Variants in RP1 observed in about 807,000 individuals in gnomAD.
RP1 encodes RP1 axonemal microtubule associated, also known as oxygen-regulated protein 1.
A neutral mutation model predicts 14.8 loss-of-function variants in RP1; 16 were observed. The ratio of observed to expected loss-of-function variants is 1.08; its 90% CI spans 0.73 to 1.65. The LOEUF (loss-of-function observed/expected upper bound fraction) is 1.65, where lower values mean the gene tolerates loss of function less well. RP1 is among the 40% of genes most tolerant of loss of function. RP1 has a pLI of 0.00. For missense variants in RP1, 2,631 were observed against 2,535.0 expected (o/e 1.04, Z -0.81); for synonymous variants, 876 against 883.6 (o/e 0.99, Z 0.15).
intron 21 of RP1, among the ~76,000 whole-genome samples, chr8:54,758,357 A>T (rs1002348256): frequency 1.3e-5 from 2 of 151,688 alleles, no homozygotes; most frequent in Admixed American, 6.6e-5. Context: ...TTTAGGAGTG[A>T]AGAGTCCAGG....
At chr8:54,786,492 C>A (rs1013167686) in intron 24 of RP1, among the ~76,000 whole-genome samples, 1 of 151,804 alleles carries the variant, frequency 6.6e-6, no homozygotes, top group Non-Finnish European at 1.5e-5. Context: ...TGCAAGGTTG[C>A]CAGTTTTCAA....
intron 16 of RP1, among the ~76,000 whole-genome samples, chr8:54,723,454 T>C (rs1808581072): frequency 6.6e-6 from 1 of 152,216 alleles, no homozygotes; most frequent in South Asian, 2.1e-4. Context: ...ATTGGGAATT[T>C]ATAATACAAG....
chr8:54,827,821 C>T (rs1259638958), intron 24 of RP1, among the ~76,000 whole-genome samples: 2 of 151,656 alleles, frequency 1.3e-5, no homozygotes, highest in Non-Finnish European at 2.9e-5. Flanking sequence ...GTGCTTGAAC[C>T]GGGAAGGCGG....
At chr8:54,599,887 A>G (rs1805234843) in intron 1 of RP1, among the ~76,000 whole-genome samples, 1 of 152,156 alleles carries the variant, frequency 6.6e-6, no homozygotes, top group South Asian at 2.1e-4. Context: ...GTGTTTTAGA[A>G]GACCTCCTTT....
In RP1 at chr8:54,629,957, A is replaced by T. The variant is rs373216628; in HGVS notation, c.6075A>T (p.Gln2025His). Reference sequence around the variant, plus strand: ...AAGAAGGTAATTTAAAGAAATTTCAACCAGATTTGAAGGAAAGGTTTTGTA... The same window carrying T: ...AAGAAGGTAATTTAAAGAAATTTCATCCAGATTTGAAGGAAAGGTTTTGTA... ...LEEEGNLKKF[Q>H]PDLKERFCMN... The change falls in exon 4 of 4, where the codon CAA becomes CAT. Residue 2025 changes from glutamine to histidine, a missense_variant. Coordinates refer to ENST00000220676, the MANE Select transcript of RP1 (RefSeq NM_006269.2). The T allele has an allele frequency of 9.9e-6, 16 of 1,613,910 alleles. No individual in the cohort carries two copies. Among genetic ancestry groups the T allele is most frequent in the African/African-American group, 2.7e-5 (2 of 74,918 alleles).
intron 7 of RP1, among the ~76,000 whole-genome samples, chr8:54,673,044 G>A (rs374114360): frequency 1.6e-4 from 24 of 152,234 alleles, no homozygotes; most frequent in African/African-American, 5.8e-4. Flanking sequence ...TAATGGTTTT[G>A]TTTCTCCTTA....
At chr8:54,851,111 G>A (rs1812051738) in intron 25 of RP1, among the ~76,000 whole-genome samples, 2 of 152,138 alleles carry the variant, frequency 1.3e-5, no homozygotes, top group African/African-American at 2.4e-5. Flanking sequence ...AGGTGCATAT[G>A]TATTTAACCT....
chr8:54,867,555 T>C (rs1812486495), intron 28 of RP1, among the ~76,000 whole-genome samples: 1 of 152,118 alleles, frequency 6.6e-6, no homozygotes, highest in Non-Finnish European at 1.5e-5. Flanking sequence ...TTTTGCAGGG[T>C]TGTTTGAGGA....
At chr8:54,774,377 C>T (rs932978952), downstream of RP1, among the ~76,000 whole-genome samples, 6 of 152,214 alleles carry the variant, frequency 3.9e-5, no homozygotes, top group Admixed American at 3.9e-4. Flanking sequence ...ACATACAGAG[C>T]CTGAAACTAG....
chr8:54,863,261 T>C (rs1812390962), intron 27 of RP1, among the ~76,000 whole-genome samples: 2 of 151,996 alleles, frequency 1.3e-5, no homozygotes, highest in African/African-American at 2.4e-5. Flanking sequence ...TACCATTGTG[T>C]GACAGTTGCC....
intron 17 of RP1, among the ~76,000 whole-genome samples, chr8:54,733,683 T>A (rs1214228858): frequency 6.6e-6 from 1 of 152,172 alleles, no homozygotes. Flanking sequence ...AACTTTTGCC[T>A]CATCATCTTG....
intron 19 of RP1, among the ~76,000 whole-genome samples, chr8:54,741,250 T>C (rs1809077769): frequency 6.6e-6 from 1 of 152,170 alleles, no homozygotes; most frequent in Non-Finnish European, 1.5e-5. Context: ...CCTACAGTAG[T>C]GTACAATAAT....
intron 25 of RP1, among the ~76,000 whole-genome samples, chr8:54,841,005 G>GA (rs542339607): frequency 3.9e-5 from 6 of 151,978 alleles, no homozygotes; most frequent in Non-Finnish European, 8.8e-5. Context: ...ACAAGAAAAT[G>GA]AAAAAAATAA....
chr8:54,622,016 T>G, intron 2 of RP1, 101 bp from the exon 3 acceptor site: 1 of 1,179,580 alleles, frequency 8.5e-7, no homozygotes, highest in Non-Finnish European at 1.2e-6. Flanking sequence ...ATGATGTCTT[T>G]CAAGCCTAGG....
chr8:54,808,261 A>G (rs1326711811), intron 24 of RP1, among the ~76,000 whole-genome samples: 1 of 152,200 alleles, frequency 6.6e-6, no homozygotes, highest in Admixed American at 6.5e-5. Context: ...AGTCCACTGC[A>G]TGGAGGCCCA....
upstream of RP1, among the ~76,000 whole-genome samples, chr8:54,613,388 C>G (rs1028108788): frequency 6.6e-5 from 10 of 152,178 alleles, no homozygotes; most frequent in South Asian, 2.1e-4. Context: ...AATGAGACAG[C>G]ATTCTTCAGG....
intron 19 of RP1, among the ~76,000 whole-genome samples, chr8:54,747,589 T>A (rs1809258181): frequency 6.6e-6 from 1 of 152,238 alleles, no homozygotes; most frequent in Admixed American, 6.5e-5. Context: ...ATTTTGTTTA[T>A]TTAACAAATA....
At chr8:54,679,856 A>G (rs1807385070) in exon 12 of RP1, 1 of 1,536,072 alleles carries the variant, frequency 6.5e-7, no homozygotes, top group East Asian at 2.4e-5. Context: ...CAGTTCTATA[A>G]CAAGCTGACT....
chr8:54,630,372 C>A lies in RP1; in HGVS notation c.*19C>A. 6.2e-7 allele frequency: 1 copy of A among 1,612,502 alleles called. No homozygotes were observed. Among genetic ancestry groups the A allele is most frequent in the South Asian group, 1.1e-5 (1 of 90,696 alleles). On this transcript the variant is annotated 3_prime_UTR_variant, in exon 4 of 4. Coordinates refer to ENST00000220676, the MANE Select transcript of RP1 (RefSeq NM_006269.2). ...TTTATAATTTCAATATCAGCACACT[C>A]ATTCTTTGTCAATTCATTTTTTCCC...
Sources: gnomAD v4.1 joint callset for allele counts (sites outside exome capture counted in the v4.1 genomes callset) on GRCh38, gnomAD v4.1.1 for gene constraint, MANE v1.5 for transcripts, NCBI Gene and HGNC (gene_info 2026-07-23, HGNC 2026-07-21) for gene names.